The following BTRC variants were observed in gnomAD, a reference collection of about 807,000 sequenced individuals.
The protein encoded by BTRC is F-box/WD repeat-containing protein 1A.
A neutral mutation model predicts 85.5 loss-of-function variants in BTRC; 42 were observed. The ratio of observed to expected loss-of-function variants is 0.49; its 90% confidence interval spans 0.38 to 0.64. BTRC has a LOEUF of 0.64. Among genes scored for constraint, BTRC ranks in the 30% least tolerant of loss-of-function variants. The pLI is 0.00. For synonymous variants in BTRC, 255 were observed against 263.3 expected (o/e 0.97, Z 0.30); for missense variants, 594 against 743.5 (o/e 0.80, Z 2.34).
intron 1 of BTRC, among the ~76,000 whole-genome samples, chr10:101,385,341 T>C (rs2133968176): frequency 7.7e-6 from 1 of 129,414 alleles, no homozygotes; most frequent in African/African-American, 2.9e-5. Flanking sequence ...CACTCCAGCC[T>C]AGGTGACAGA....
chr10:101,430,767 A>G (rs929317962), intron 2 of BTRC, among the ~76,000 whole-genome samples: 2 of 152,178 alleles, frequency 1.3e-5, no homozygotes, highest in Non-Finnish European at 2.9e-5. Flanking sequence ...TCAATACGTA[A>G]TATTTGCTCT....
At chr10:101,473,749 A>T (rs1257260383) in intron 3 of BTRC, among the ~76,000 whole-genome samples, 2 of 151,496 alleles carry the variant, frequency 1.3e-5, no homozygotes, top group Non-Finnish European at 1.5e-5. Flanking sequence ...GGTGTAAGTC[A>T]CTGGGCCTGG....
chr10:101,530,258 A>G (rs903918532), intron 6 of BTRC, among the ~76,000 whole-genome samples: 1 of 152,180 alleles, frequency 6.6e-6, no homozygotes, highest in African/African-American at 2.4e-5. Flanking sequence ...GCTCTTAGGC[A>G]TTTCTTTTTT....
chr10:101,436,428 T>C (rs576805183), intron 2 of BTRC, among the ~76,000 whole-genome samples: 125 of 152,242 alleles, frequency 8.2e-4, no homozygotes, highest in Non-Finnish European at 1.1e-3. Flanking sequence ...GCGGATCACA[T>C]GAGCCCAGGA....
At chr10:101,440,739 G>A (rs1304197498) in intron 2 of BTRC, among the ~76,000 whole-genome samples, 1 of 151,886 alleles carries the variant, frequency 6.6e-6, no homozygotes, top group African/African-American at 2.4e-5. Context: ...AAAAAAAAAG[G>A]CAACTATTTA....
At chr10:101,479,859 A>G (rs564789968) in intron 4 of BTRC, among the ~76,000 whole-genome samples, 11 of 152,296 alleles carry the variant, frequency 7.2e-5, no homozygotes, top group South Asian at 2.1e-4. Flanking sequence ...TTATATCACT[A>G]TTATTATTTA....
At chr10:101,518,848 C>CTTAGAT in intron 4 of BTRC, among the ~76,000 whole-genome samples, 1 of 152,178 alleles carries the variant, frequency 6.6e-6, no homozygotes, top group Middle Eastern at 3.4e-3. Flanking sequence ...TCTCTAACCA[C>CTTAGAT]TTAAATAATC....
At position 101,557,260 on chromosome 10, in the gene BTRC, T is replaced by C. The variant is rs993486091; in HGVS notation, c.*4137T>C. On this transcript the variant is annotated 3_prime_UTR_variant, in exon 15 of 15. Transcript: ENST00000370187. The stretch of plus-strand genomic sequence containing the variant: ...TCATGATAATGGAGTGTGTTTTGGG[T>C]TTTTTTTAACTGTTCAGAAAAAAAG... The C allele has an allele frequency of 6.6e-6, 1 of 151,008 alleles. No individual in the cohort carries two copies. The highest frequency in any genetic ancestry group is 6.6e-5 in the Admixed American group (1 of 15,216). 9.4% of individuals were successfully genotyped at this position (151,008 alleles called of 1,614,324 possible). A position where few individuals can be genotyped will look rare whatever the true frequency, so the allele number is the denominator to read the frequency against.
intron 2 of BTRC, among the ~76,000 whole-genome samples, chr10:101,459,676 C>T (rs1213092614): frequency 1.3e-5 from 2 of 152,124 alleles, no homozygotes; most frequent in Non-Finnish European, 2.9e-5. Context: ...AAAGGAACTC[C>T]TAAGAAGCTC....
At chr10:101,414,429 C>T (rs1943869653) in intron 1 of BTRC, among the ~76,000 whole-genome samples, 1 of 152,122 alleles carries the variant, frequency 6.6e-6, no homozygotes, top group African/African-American at 2.4e-5. Context: ...AAGTGTAGTA[C>T]ATACTATTAT....
intron 4 of BTRC, among the ~76,000 whole-genome samples, chr10:101,506,522 T>C (rs1356644101): frequency 6.6e-6 from 1 of 152,224 alleles, no homozygotes; most frequent in Non-Finnish European, 1.5e-5. Context: ...CAGGCATTGA[T>C]GAGCAGCAGT....
chr10:101,499,056 C>T (rs1946337270), intron 4 of BTRC, among the ~76,000 whole-genome samples: 1 of 151,846 alleles, frequency 6.6e-6, no homozygotes, highest in South Asian at 2.1e-4. Context: ...CATGCTAGAT[C>T]CTGTTCCAAG....
chr10:101,362,331 C>G (rs992737663), intron 1 of BTRC, among the ~76,000 whole-genome samples: 7 of 152,030 alleles, frequency 4.6e-5, no homozygotes, highest in Non-Finnish European at 5.9e-5. Context: ...CTGATTTTGC[C>G]TTCCTGCTCC....
intron 4 of BTRC, among the ~76,000 whole-genome samples, chr10:101,480,213 C>T (rs1945798769): frequency 6.6e-6 from 1 of 152,024 alleles, no homozygotes; most frequent in Admixed American, 6.6e-5. Flanking sequence ...TACAACATTC[C>T]CAACTTGAAC....
At chr10:101,416,632 A>G (rs762694519) in intron 1 of BTRC, among the ~76,000 whole-genome samples, 2 of 152,092 alleles carry the variant, frequency 1.3e-5, no homozygotes, top group Non-Finnish European at 2.9e-5. Context: ...TTGGCTCCAC[A>G]GCATCATGAG....
chr10:101,464,037 A>T (rs1945301052), intron 3 of BTRC, among the ~76,000 whole-genome samples: 1 of 152,140 alleles, frequency 6.6e-6, no homozygotes, highest in Non-Finnish European at 1.5e-5. Context: ...TCAACACCTG[A>T]TCTGTTCATC....
At chr10:101,474,323 T>G (rs1300504354) in intron 3 of BTRC, among the ~76,000 whole-genome samples, 1 of 152,228 alleles carries the variant, frequency 6.6e-6, no homozygotes, top group Non-Finnish European at 1.5e-5. Context: ...GGTTTTGCCC[T>G]TAGTCCTAAG....
intron 4 of BTRC, among the ~76,000 whole-genome samples, chr10:101,500,542 G>A (rs959741251): frequency 3.9e-5 from 6 of 152,076 alleles, no homozygotes; most frequent in Admixed American, 1.3e-4. Flanking sequence ...TTTTCTGAAA[G>A]CCTTTATTAA....
chr10:101,425,785 G>A (rs142946291), intron 1 of BTRC, among the ~76,000 whole-genome samples: 3,688 of 151,862 alleles, frequency 0.024, 67 homozygotes, highest in Non-Finnish European at 0.034. Context: ...ACTCCAGCCT[G>A]GGCAAGAGAG....
Sources: allele counts gnomAD v4.1 joint callset (sites outside exome capture counted in the v4.1 genomes callset), GRCh38; gene constraint gnomAD v4.1.1; transcripts MANE v1.5; gene names NCBI Gene and HGNC (gene_info 2026-07-23, HGNC 2026-07-21).